Variants in SLC35F1 observed in about 807,000 individuals in gnomAD.
The protein encoded by SLC35F1 is solute carrier family 35 member F1.
SLC35F1 carries 14 observed loss-of-function variants against 48.7 expected under a neutral mutation model. The ratio of observed to expected loss-of-function variants is 0.29; its 90% CI spans 0.19 to 0.45. The LOEUF (loss-of-function observed/expected upper bound fraction) is 0.45. SLC35F1 is among the 20% of genes least tolerant of loss of function. The probability of loss-of-function intolerance (pLI) is 1.00; values close to 1 mark genes in which losing one functional copy is unlikely to be tolerated. For missense variants in SLC35F1, 404 were observed against 500.0 expected (o/e 0.81, Z 1.83); for synonymous variants, 190 against 202.2 (o/e 0.94, Z 0.51).
intron 7 of SLC35F1, among the ~76,000 whole-genome samples, chr6:118,307,423 A>G (rs1290728827): frequency 6.6e-6 from 1 of 152,178 alleles, no homozygotes; most frequent in Non-Finnish European, 1.5e-5. Context: ...ATATTTAACC[A>G]GAAAGATTTA....
At chr6:118,037,515 G>A (rs1417185007) in intron 1 of SLC35F1, among the ~76,000 whole-genome samples, 1 of 151,786 alleles carries the variant, frequency 6.6e-6, no homozygotes, top group Non-Finnish European at 1.5e-5. Context: ...TTGAATTTTG[G>A]GGGGGTTACT....
rs1198712965 is a variant in SLC35F1, at chr6:118,070,081, A to G, written c.174-84364A>G. On this transcript the variant is annotated intron_variant, in intron 1 of 7. Coordinates refer to ENST00000360388, the MANE Select transcript of SLC35F1 (RefSeq NM_001029858.4). ...AACCCGGGAAGCGGAGCTTGCAGTGAGCCGAGATTGCGCCACTGCAGTCCG... is the reference window on the plus strand; with the variant it reads ...AACCCGGGAAGCGGAGCTTGCAGTGGGCCGAGATTGCGCCACTGCAGTCCG... Among the ~76,000 whole-genome samples the G allele has an allele frequency of 2.2e-5, 3 of 138,636 alleles. No individual in the cohort carries two copies. The East Asian group carries it at 6.7e-4, about 31-fold the overall frequency. The allele number at this position is 138,636 out of a possible 152,430, so 91.0% of individuals were successfully genotyped here. A position where few individuals can be genotyped will look rare whatever the true frequency, so the allele number is the denominator to read the frequency against.
At chr6:118,209,110 G>A (rs1029476524) in intron 2 of SLC35F1, among the ~76,000 whole-genome samples, 4 of 152,166 alleles carry the variant, frequency 2.6e-5, no homozygotes, top group African/African-American at 7.2e-5. Context: ...AGGGCTTGCT[G>A]GGTTTATCCC....
intron 2 of SLC35F1, among the ~76,000 whole-genome samples, chr6:118,180,829 C>T (rs567029153): frequency 5.3e-5 from 8 of 152,116 alleles, no homozygotes; most frequent in African/African-American, 1.7e-4. Context: ...ACACAAATGC[C>T]TAGGTTCTGA....
intron 1 of SLC35F1, among the ~76,000 whole-genome samples, chr6:117,966,338 C>T (rs533595855): frequency 7.6e-4 from 116 of 152,252 alleles, no homozygotes; most frequent in African/African-American, 2.5e-3. Context: ...ACGAACCCAC[C>T]GGCAGGAACT....
chr6:117,988,533 A>C (rs1776877175), intron 1 of SLC35F1, among the ~76,000 whole-genome samples: 1 of 152,188 alleles, frequency 6.6e-6, no homozygotes, highest in Non-Finnish European at 1.5e-5. Flanking sequence ...CAGCCCCTCA[A>C]CCGAGATGGT....
intron 3 of SLC35F1, among the ~76,000 whole-genome samples, chr6:118,264,346 T>G (rs938287944): frequency 6.6e-6 from 1 of 152,236 alleles, no homozygotes; most frequent in South Asian, 2.1e-4. Context: ...TGAGGCCCCA[T>G]TGTATGATAA....
At chr6:117,940,324 C>T (rs1776214289) in intron 1 of SLC35F1, among the ~76,000 whole-genome samples, 1 of 152,110 alleles carries the variant, frequency 6.6e-6, no homozygotes, top group East Asian at 1.9e-4. Flanking sequence ...AGTTTTCTTT[C>T]ATTACTGAGG....
rs1280341572 is a variant in SLC35F1, at chr6:118,235,659, T to G, written c.477+23T>G. The G allele has an allele frequency of 1.9e-6, 3 of 1,607,150 alleles. No individual in the cohort carries two copies. In the Admixed American group the frequency reaches 5.1e-5, roughly 27 times the overall value. Reference sequence around the variant, plus strand: ...CAGGTACCCATGGTTCTTCTTCCCTTCTCAACTTCCTCTATCCAGATGTAG... The same window carrying G: ...CAGGTACCCATGGTTCTTCTTCCCTGCTCAACTTCCTCTATCCAGATGTAG... On this transcript the variant is annotated intron_variant, in intron 3 of 7. Coordinates refer to ENST00000360388, the MANE Select transcript of SLC35F1 (RefSeq NM_001029858.4).
At chr6:118,071,783 G>T (rs1410610746) in intron 1 of SLC35F1, among the ~76,000 whole-genome samples, 1 of 152,144 alleles carries the variant, frequency 6.6e-6, no homozygotes, top group Non-Finnish European at 1.5e-5. Context: ...TGGCTGAGGA[G>T]TCTGATGTCA....
chr6:118,281,859 A>G (rs1434288124), intron 6 of SLC35F1, among the ~76,000 whole-genome samples: 2 of 152,218 alleles, frequency 1.3e-5, no homozygotes, highest in African/African-American at 2.4e-5. Context: ...CCTAACCTGT[A>G]TAAAGAGGAT....
chr6:118,307,333 T>C (rs1292526897), intron 7 of SLC35F1, among the ~76,000 whole-genome samples: 1 of 152,162 alleles, frequency 6.6e-6, no homozygotes, highest in African/African-American at 2.4e-5. Flanking sequence ...ACAACTGATT[T>C]TGGTATTTGT....
intron 1 of SLC35F1, among the ~76,000 whole-genome samples, chr6:117,985,171 C>T (rs1215210502): frequency 6.6e-6 from 1 of 152,154 alleles, no homozygotes; most frequent in Non-Finnish European, 1.5e-5. Context: ...TTTCCCCATT[C>T]CATTAATACC....
chr6:118,274,766 T>C (rs1775899125), intron 4 of SLC35F1, among the ~76,000 whole-genome samples: 1 of 152,236 alleles, frequency 6.6e-6, no homozygotes, highest in South Asian at 2.1e-4. Context: ...ATTACATATA[T>C]TTACACTCTT....
chr6:118,077,013 G>C (rs1409741561), intron 1 of SLC35F1, among the ~76,000 whole-genome samples: 1 of 151,984 alleles, frequency 6.6e-6, no homozygotes, highest in Non-Finnish European at 1.5e-5. Context: ...CTATATCACT[G>C]TTCCCAAATT....
chr6:117,924,694 G>C (rs906067554), intron 1 of SLC35F1, among the ~76,000 whole-genome samples: 1 of 152,024 alleles, frequency 6.6e-6, no homozygotes, highest in Admixed American at 6.6e-5. Flanking sequence ...CCTCTCTCGA[G>C]TATATGTTGC....
At chr6:117,921,196 G>A (rs1775894622) in intron 1 of SLC35F1, among the ~76,000 whole-genome samples, 1 of 152,078 alleles carries the variant, frequency 6.6e-6, no homozygotes, top group African/African-American at 2.4e-5. Context: ...GTTAGTTCAA[G>A]AAGAATGATT....
At chr6:118,212,728 A>AAGGAAGGAAGGAAGGG (rs1775018194) in intron 2 of SLC35F1, among the ~76,000 whole-genome samples, 2 of 13,728 alleles carry the variant, frequency 1.5e-4, no homozygotes, top group Non-Finnish European at 2.7e-4. Flanking sequence ...GAAGGAAGGA[A>AAGGAAGGAAGGAAGGG]AGGAAGGAAG....
chr6:118,313,604 G>A (rs868494004), intron 7 of SLC35F1, among the ~76,000 whole-genome samples: 53 of 152,098 alleles, frequency 3.5e-4, no homozygotes, highest in African/African-American at 1.1e-3. Flanking sequence ...GTCAGTGAGC[G>A]GTTCATTGTT....
Sources: allele counts gnomAD v4.1 joint callset (sites outside exome capture counted in the v4.1 genomes callset), GRCh38; gene constraint gnomAD v4.1.1; transcripts MANE v1.5; gene names NCBI Gene and HGNC (gene_info 2026-07-23, HGNC 2026-07-21).